SGK3: variants seen among roughly 807,000 people sequenced by gnomAD.
SGK3 encodes serine/threonine-protein kinase Sgk3.
SGK3 carries 47 observed loss-of-function variants against 68.5 expected under a neutral mutation model. That is an observed-to-expected ratio of 0.69 (90% CI 0.54 to 0.87). The LOEUF is 0.87. Ranked by LOEUF, SGK3 falls within the 40% of genes least tolerant of loss-of-function variation. The probability of loss-of-function intolerance (pLI) is 0.00; values close to 1 mark genes in which losing one functional copy is unlikely to be tolerated. For synonymous variants in SGK3, 181 were observed against 189.1 expected (o/e 0.96, Z 0.35); for missense variants, 479 against 575.5 (o/e 0.83, Z 1.72).
intron 1 of SGK3, among the ~76,000 whole-genome samples, chr8:66,752,524 G>C (rs1214540174): frequency 5.9e-5 from 9 of 152,122 alleles, no homozygotes. Context: ...GTCAGAGAAG[G>C]CTTCAGGGAG....
At chr8:66,717,602 G>T (rs1271065587) in intron 1 of SGK3, among the ~76,000 whole-genome samples, 1 of 152,200 alleles carries the variant, frequency 6.6e-6, no homozygotes, top group Admixed American at 6.6e-5. Flanking sequence ...TGATTAGCCA[G>T]TCTACAGACT....
intron 1 of SGK3, among the ~76,000 whole-genome samples, chr8:66,773,811 C>T (rs1443774968): frequency 2.6e-5 from 4 of 152,048 alleles, no homozygotes; most frequent in Non-Finnish European, 5.9e-5. Context: ...TCACACTGCT[C>T]AGAACAGCAC....
At chr8:66,719,990 C>T (rs956682422) in intron 1 of SGK3, among the ~76,000 whole-genome samples, 3 of 152,216 alleles carry the variant, frequency 2.0e-5, no homozygotes, top group Non-Finnish European at 2.9e-5. Flanking sequence ...ATCACACTTA[C>T]GTAGCCAGCC....
intron 1 of SGK3, among the ~76,000 whole-genome samples, chr8:66,768,597 C>T (rs972695967): frequency 9.2e-5 from 14 of 152,140 alleles, no homozygotes; most frequent in African/African-American, 3.1e-4. Flanking sequence ...TGGAATCTTG[C>T]TCTGTCACCC....
chr8:66,756,385 A>G (rs1373236885), intron 1 of SGK3, among the ~76,000 whole-genome samples: 2 of 152,106 alleles, frequency 1.3e-5, no homozygotes, highest in Non-Finnish European at 2.9e-5. Flanking sequence ...AAAAAAATGT[A>G]TGAAGACTCA....
At chr8:66,773,241 C>A (rs1458283789) in intron 1 of SGK3, among the ~76,000 whole-genome samples, 11 of 152,122 alleles carry the variant, frequency 7.2e-5, no homozygotes, top group Admixed American at 7.2e-4. Flanking sequence ...AGATCAAACA[C>A]CCTGAGTTCT....
At chr8:66,825,406 G>T (rs1475273890) in intron 6 of SGK3, among the ~76,000 whole-genome samples, 3 of 147,286 alleles carry the variant, frequency 2.0e-5, no homozygotes, top group African/African-American at 7.6e-5. Flanking sequence ...TTGGCTCACT[G>T]CAAGCTCCGC....
At chr8:66,776,053 G>T (rs1806696694) in intron 1 of SGK3, among the ~76,000 whole-genome samples, 1 of 152,094 alleles carries the variant, frequency 6.6e-6, no homozygotes. Context: ...CATTCAGATG[G>T]GCATTAATCT....
intron 6 of SGK3, among the ~76,000 whole-genome samples, chr8:66,827,119 C>T (rs564569103): frequency 3.3e-5 from 5 of 151,836 alleles, no homozygotes; most frequent in African/African-American, 7.2e-5. Context: ...CGGTGGCTCA[C>T]GCCTGTAATC....
intron 5 of SGK3, among the ~76,000 whole-genome samples, chr8:66,814,473 G>A (rs962769521): frequency 6.6e-6 from 1 of 152,206 alleles, no homozygotes; most frequent in Non-Finnish European, 1.5e-5. Context: ...GAGAAAAAAA[G>A]AAGGCTTTCC....
At chr8:66,839,140 G>A (rs73693617) in intron 10 of SGK3, among the ~76,000 whole-genome samples, 3,120 of 152,134 alleles carry the variant, frequency 0.021, 111 homozygotes, top group African/African-American at 0.07. Context: ...TGCATTTTCC[G>A]AGGCCAGAAA....
chr8:66,787,464 T>C (rs2130550337), intron 1 of SGK3, among the ~76,000 whole-genome samples: 1 of 152,324 alleles, frequency 6.6e-6, no homozygotes, highest in East Asian at 1.9e-4. Flanking sequence ...GGCTGTCTAA[T>C]CCCCCCTGTG....
intron 6 of SGK3, among the ~76,000 whole-genome samples, chr8:66,824,439 AT>A (rs1422753184): frequency 6.6e-6 from 1 of 150,454 alleles, no homozygotes; most frequent in African/African-American, 2.5e-5. Flanking sequence ...AATCTTAGAG[AT>A]TTTTATTGCT....
intron 6 of SGK3, among the ~76,000 whole-genome samples, chr8:66,827,794 C>T (rs564223835): frequency 2.0e-5 from 3 of 152,104 alleles, no homozygotes. Context: ...AAGAGAAAAG[C>T]CTGTATAAAA....
At chr8:66,723,802 A>C (rs1325579953) in intron 1 of SGK3, among the ~76,000 whole-genome samples, 1 of 152,186 alleles carries the variant, frequency 6.6e-6, no homozygotes, top group Non-Finnish European at 1.5e-5. Flanking sequence ...CTGTAGTTGT[A>C]CACAGTTGAC....
intron 5 of SGK3, among the ~76,000 whole-genome samples, chr8:66,821,980 T>C (rs1265530005): frequency 1.8e-5 from 1 of 55,744 alleles, no homozygotes; most frequent in African/African-American, 8.0e-5. Flanking sequence ...CATTTCTCTT[T>C]CCCTATTTTT....
intron 1 of SGK3, among the ~76,000 whole-genome samples, chr8:66,789,934 C>T (rs1054159927): frequency 1.8e-4 from 28 of 151,978 alleles, no homozygotes; most frequent in Non-Finnish European, 7.4e-5. Flanking sequence ...AAAAATTAGC[C>T]AGGCATGGTA....
intron 1 of SGK3, among the ~76,000 whole-genome samples, chr8:66,728,709 C>T (rs1805050665): frequency 6.6e-6 from 1 of 151,936 alleles, no homozygotes; most frequent in African/African-American, 2.4e-5. Flanking sequence ...TCAAGACAAG[C>T]CTGGGCAATA....
chr8:66,739,673 G>A (rs1371535856), intron 1 of SGK3, among the ~76,000 whole-genome samples: 1 of 152,208 alleles, frequency 6.6e-6, no homozygotes, highest in Non-Finnish European at 1.5e-5. Context: ...TGGGATTACA[G>A]GCATGAGCCA....
Sources: gnomAD v4.1 joint callset for allele counts (sites outside exome capture counted in the v4.1 genomes callset) on GRCh38, gnomAD v4.1.1 for gene constraint, MANE v1.5 for transcripts, NCBI Gene and HGNC (gene_info 2026-07-23, HGNC 2026-07-21) for gene names.